Variants in CDK5RAP2 observed in about 807,000 individuals in gnomAD.
CDK5RAP2 encodes the protein CDK5 regulatory subunit-associated protein 2.
In CDK5RAP2, 147 loss-of-function variants were observed where a neutral mutation model predicts 232.9. That is an observed-to-expected ratio of 0.63 (90% CI 0.55 to 0.72). The LOEUF (loss-of-function observed/expected upper bound fraction) is 0.72. Among genes scored for constraint, CDK5RAP2 ranks in the 30% least tolerant of loss-of-function variants. The pLI, the probability that CDK5RAP2 is intolerant of heterozygous loss-of-function variation, is 0.00. For synonymous variants in CDK5RAP2, 833 were observed against 833.7 expected (o/e 1.00, Z 0.01); for missense variants, 2,195 against 2,231.5 (o/e 0.98, Z 0.33).
intron 7 of CDK5RAP2, among the ~76,000 whole-genome samples, chr9:120,532,198 C>T (rs955227890): frequency 6.6e-6 from 1 of 152,238 alleles, no homozygotes; most frequent in African/African-American, 2.4e-5. Flanking sequence ...GAAATCCAGA[C>T]TTCTGCATGA....
At chr9:120,535,792 C>T (rs1447433687) in intron 7 of CDK5RAP2, among the ~76,000 whole-genome samples, 3 of 152,232 alleles carry the variant, frequency 2.0e-5, no homozygotes, top group African/African-American at 7.2e-5. Context: ...TATCGTGGAT[C>T]ATCAAAGAGC....
chr9:120,565,815 C>T (rs1232907403), intron 3 of CDK5RAP2, among the ~76,000 whole-genome samples: 1 of 152,196 alleles, frequency 6.6e-6, no homozygotes, highest in African/African-American at 2.4e-5. Flanking sequence ...GGCCCCACAG[C>T]ACCCTAGACT....
intron 10 of CDK5RAP2, among the ~76,000 whole-genome samples, chr9:120,525,689 TC>T (rs2040869339): frequency 6.6e-6 from 1 of 151,998 alleles, no homozygotes; most frequent in African/African-American, 2.4e-5. Flanking sequence ...TGATAACAGC[TC>T]ACTGCAGCCT....
chr9:120,500,347 C>T (rs1255723502), intron 12 of CDK5RAP2, among the ~76,000 whole-genome samples: 1 of 152,064 alleles, frequency 6.6e-6, no homozygotes, highest in East Asian at 1.9e-4. Flanking sequence ...AATTACTAGG[C>T]CTAAGGGTAA....
intron 14 of CDK5RAP2, among the ~76,000 whole-genome samples, chr9:120,482,114 G>A (rs1259104838): frequency 1.3e-5 from 2 of 152,174 alleles, no homozygotes; most frequent in African/African-American, 4.8e-5. Flanking sequence ...AACTGCTACA[G>A]TCAGAATTTG....
Position 120,422,695 on chromosome 9 carries a change from C to T in CDK5RAP2, c.4002G>A (p.Glu1334=). ...CTTAACAAATGTTACACACTCACCTCTCCATCAGTTCATTCTGGGTGTTCA... is the reference window on the plus strand; with the variant it reads ...CTTAACAAATGTTACACACTCACCTTTCCATCAGTTCATTCTGGGTGTTCA... ...VEMNTQNELM[E]RIEEDNLTYQ... The change falls in exon 26 of 38, where the codon GAG becomes GAA. Residue 1334 remains glutamate, a splice_region_variant and synonymous_variant. Transcript: ENST00000349780. The T allele has an allele frequency of 1.2e-6, 2 of 1,611,022 alleles. No individual in the cohort carries two copies. The highest frequency in any genetic ancestry group is 1.7e-6 in the Non-Finnish European group (2 of 1,177,172).
intron 24 of CDK5RAP2, among the ~76,000 whole-genome samples, chr9:120,439,098 T>G (rs573072234): frequency 6.5e-4 from 99 of 152,324 alleles, no homozygotes; most frequent in African/African-American, 2.3e-3. Context: ...ACCAAGTGAC[T>G]GGTATGAAAC....
intron 3 of CDK5RAP2, among the ~76,000 whole-genome samples, chr9:120,560,229 T>C (rs2042413363): frequency 6.6e-6 from 1 of 152,216 alleles, no homozygotes; most frequent in Non-Finnish European, 1.5e-5. Context: ...TGTTGGCTCA[T>C]CTATAAAATG....
At chr9:120,455,243 C>T (rs997677646) in intron 20 of CDK5RAP2, among the ~76,000 whole-genome samples, 1 of 151,958 alleles carries the variant, frequency 6.6e-6, no homozygotes, top group African/African-American at 2.4e-5. Context: ...CAGTGAGAGG[C>T]AAGCCTCGAG....
At chr9:120,471,661 T>C in intron 16 of CDK5RAP2, 87 bp downstream of exon 16, 1 of 1,585,846 alleles carries the variant, frequency 6.3e-7, no homozygotes, top group Middle Eastern at 1.7e-4. Flanking sequence ...CTTCATCCCT[T>C]AACAAATATT....
chr9:120,437,950 C>T (rs756239097), intron 24 of CDK5RAP2, among the ~76,000 whole-genome samples: 7 of 152,198 alleles, frequency 4.6e-5, no homozygotes, highest in Admixed American at 6.5e-5. Context: ...CCGAACAAAA[C>T]GTCACTGAAT....
Position 120,570,854 on chromosome 9 carries a change from G to A in CDK5RAP2, c.127+1120C>T, listed in dbSNP as rs117179529. Among the ~76,000 whole-genome samples, 124 of 150,704 alleles carry A rather than the reference G, an allele frequency of 8.2e-4. 2 individuals are homozygous for A. In the East Asian group the frequency reaches 0.023, roughly 27 times the overall value. On this transcript the variant is annotated intron_variant, in intron 2 of 37. Coordinates refer to ENST00000349780, the MANE Select transcript of CDK5RAP2 (RefSeq NM_018249.6). The stretch of plus-strand genomic sequence containing the variant: ...ACTCCATCTCAAATCAGACTTGTTG[G>A]ATTTTGCATTTAAAGTAAAAGTTGC...
At chr9:120,484,903 T>G (rs2038513590) in intron 14 of CDK5RAP2, among the ~76,000 whole-genome samples, 1 of 150,438 alleles carries the variant, frequency 6.6e-6, no homozygotes. Flanking sequence ...TTTTTTTTTT[T>G]GTAGATACTG....
chr9:120,487,322 G>C lies in CDK5RAP2; in HGVS notation c.1598C>G (p.Pro533Arg), dbSNP rs1588462824. 6.2e-7 allele frequency: 1 copy of C among 1,614,088 alleles called. No individual in the cohort carries two copies. Among genetic ancestry groups the C allele is most frequent in the East Asian group, 2.2e-5 (1 of 44,862 alleles). ...AGAGAAGATGGTTTTGCTGCCTGGTGGCTGTTGAGAAGAGCACTTTTCTGT... is the reference window on the plus strand; with the variant it reads ...AGAGAAGATGGTTTTGCTGCCTGGTCGCTGTTGAGAAGAGCACTTTTCTGT... ...LITEKCSSQQ[P>R]PGSKTIFSKE... Residue 533 changes from proline to arginine, a missense_variant, in exon 14 of 38, where the codon CCA (proline) becomes CGA (arginine). Transcript: ENST00000349780.
chr9:120,496,528 G>A (rs1341671530), intron 12 of CDK5RAP2, among the ~76,000 whole-genome samples: 94 of 140,236 alleles, frequency 6.7e-4, no homozygotes, highest in Admixed American at 9.7e-4. Context: ...TCGGCCCCCC[G>A]CCCGGCCAGC....
At chr9:120,485,951 A>G (rs1328428750) in intron 14 of CDK5RAP2, among the ~76,000 whole-genome samples, 1 of 152,204 alleles carries the variant, frequency 6.6e-6, no homozygotes, top group Non-Finnish European at 1.5e-5. Flanking sequence ...CAAATACACA[A>G]ACAGTCAGAA....
At chr9:120,427,301 A>G (rs77293279) in intron 25 of CDK5RAP2, among the ~76,000 whole-genome samples, 15,992 of 152,288 alleles carry the variant, frequency 0.11, 1,865 homozygotes, top group African/African-American at 0.29. Context: ...GAAAGTTTAC[A>G]AATTTGCATT....
intron 25 of CDK5RAP2, among the ~76,000 whole-genome samples, chr9:120,433,567 C>T (rs746311950): frequency 3.9e-5 from 6 of 152,216 alleles, no homozygotes; most frequent in Admixed American, 6.5e-5. Flanking sequence ...GCCAGCCCAG[C>T]TCCAATGACT....
At position 120,473,245 on chromosome 9, in the gene CDK5RAP2, G is replaced by C. The variant is rs534744821; in HGVS notation, c.1728-1367C>G. On this transcript the variant is annotated intron_variant, in intron 15 of 37. Transcript: ENST00000349780. Reference sequence around the variant, plus strand: ...CTGAAACACATTAACAAATCAGAAAGCCTTCTTTTTTAGATACCAAGAGAT... The same window carrying C: ...CTGAAACACATTAACAAATCAGAAACCCTTCTTTTTTAGATACCAAGAGAT... 3.3e-5 allele frequency among the ~76,000 whole-genome samples: 5 copies of C among 152,280 alleles called. No homozygotes were observed. The South Asian group carries it at 6.2e-4, about 19-fold the overall frequency.
Sources: allele counts gnomAD v4.1 joint callset (sites outside exome capture counted in the v4.1 genomes callset), GRCh38; gene constraint gnomAD v4.1.1; transcripts MANE v1.5; gene names NCBI Gene and HGNC (gene_info 2026-07-23, HGNC 2026-07-21).